Variants in NOTCH2NLB observed in about 807,000 individuals in gnomAD.
The protein encoded by NOTCH2NLB is notch homolog 2 N-terminal-like protein B.
Under a neutral mutation model 14.8 loss-of-function variants are expected in NOTCH2NLB, and 1 was observed. The observed-to-expected ratio is 0.07, with a 90% CI of 0.02 to 0.32. The LOEUF (loss-of-function observed/expected upper bound fraction) is 0.32, where lower values mean the gene tolerates loss of function less well. NOTCH2NLB is among the 10% of genes least tolerant of loss of function. NOTCH2NLB has a pLI of 1.00. For missense variants in NOTCH2NLB, 11 were observed against 155.0 expected, an observed-to-expected ratio of 0.07 and a Z score of 4.93; for synonymous variants, 6 against 57.5, an observed-to-expected ratio of 0.10 and a Z score of 4.05.
In NOTCH2NLB at chr1:148,625,632, C is replaced by G. The variant is rs1280237120; in HGVS notation, c.78-9682G>C. Among the ~76,000 whole-genome samples the G allele has an allele frequency of 5.0e-5, 6 of 120,204 alleles. 1 individual carries two copies. Among genetic ancestry groups the G allele is most frequent in the Non-Finnish European group, 1.0e-4 (6 of 59,878 alleles). 78.9% of individuals were successfully genotyped at this position (120,204 alleles called of 152,430 possible). On this transcript the variant is annotated intron_variant, in intron 2 of 4. Transcript: ENST00000593495. ...CTTTAAACAGAACTTTGCTTTCAAC[C>G]CACTTTCTTCTTGCACTGGGCCTCT...
chr1:148,679,896 C>G, upstream of NOTCH2NLB: 1 of 149,704 alleles, frequency 6.7e-6, no homozygotes, highest in Non-Finnish European at 1.2e-5. Context: ...AAGCGCCGGC[C>G]CGAGCTCCGC....
chr1:148,693,093 C>A, the NOTCH2NLB span, among the ~76,000 whole-genome samples: 1 of 116,458 alleles, frequency 8.6e-6, no homozygotes, highest in Non-Finnish European at 1.8e-5. Flanking sequence ...GAGCCGCCCC[C>A]CCCCCCCCAC....
At chr1:148,675,838 AAAG>A (rs1375405311) in intron 1 of NOTCH2NLB, among the ~76,000 whole-genome samples, 1 of 37,248 alleles carries the variant, frequency 2.7e-5, no homozygotes, top group Non-Finnish European at 6.6e-5. Context: ...CAAAGAAAGA[AAAG>A]AAGACCTTTT....
chr1:148,623,190 GC>G (rs1663926560), intron 2 of NOTCH2NLB, among the ~76,000 whole-genome samples: 2 of 108,764 alleles, frequency 1.8e-5, no homozygotes, highest in African/African-American at 6.9e-5. Context: ...AAATGGACCA[GC>G]ATCCTATCCA....
At chr1:148,645,570 G>A (rs1415780208) in intron 1 of NOTCH2NLB, among the ~76,000 whole-genome samples, 2 of 148,276 alleles carry the variant, frequency 1.3e-5, no homozygotes, top group African/African-American at 5.0e-5. Context: ...TGCATTCTCT[G>A]CCCAGTTTAT....
downstream of NOTCH2NLB, among the ~76,000 whole-genome samples, chr1:148,604,988 C>T (rs1663465093): frequency 2.9e-5 from 4 of 136,824 alleles, no homozygotes; most frequent in African/African-American, 8.8e-5. Flanking sequence ...CACACACACA[C>T]ACATTGATAT....
chr1:148,694,460 T>TTTG, the NOTCH2NLB span, among the ~76,000 whole-genome samples: 133 of 85,804 alleles, frequency 1.6e-3, 8 homozygotes, highest in African/African-American at 3.5e-3. Context: ...TGTTGTGGGT[T>TTTG]TTGTTGTTGT....
chr1:148,679,779 C>T, exon 1 of NOTCH2NLB: 1 of 570,854 alleles, frequency 1.8e-6, no homozygotes, highest in Non-Finnish European at 2.4e-6. Flanking sequence ...GAAGCAGCCT[C>T]GTGTGTCCTT....
the NOTCH2NLB span, among the ~76,000 whole-genome samples, chr1:148,697,797 T>C: frequency 1.5e-4 from 15 of 102,934 alleles, no homozygotes; most frequent in African/African-American, 3.7e-4. Flanking sequence ...CTATATACCA[T>C]GTAACATGCT....
intron 1 of NOTCH2NLB, among the ~76,000 whole-genome samples, chr1:148,670,608 G>A (rs1664759272): frequency 9.4e-6 from 1 of 106,688 alleles, no homozygotes; most frequent in African/African-American, 3.3e-5. Flanking sequence ...TAAATCTAAG[G>A]GTAAAAAAAC....
intron 1 of NOTCH2NLB, among the ~76,000 whole-genome samples, chr1:148,648,434 C>A (rs1170218638): frequency 1.6e-4 from 14 of 87,908 alleles, no homozygotes; most frequent in East Asian, 8.7e-4. Context: ...AAATATTTTA[C>A]CTCCTTTTCC....
At chr1:148,604,983 ACACACACATT>A (rs1246301836), downstream of NOTCH2NLB, among the ~76,000 whole-genome samples, 196 of 146,148 alleles carry the variant, frequency 1.3e-3, 13 homozygotes, top group African/African-American at 4.7e-3. Flanking sequence ...ACACACACAC[ACACACACATT>A]GATATGTAAC....
chr1:148,637,067 CT>C (rs1244676926), intron 2 of NOTCH2NLB, among the ~76,000 whole-genome samples: 41,926 of 79,018 alleles, frequency 0.53, 10,216 homozygotes, highest in East Asian at 0.87. Context: ...GCTCCATTTT[CT>C]TTTTTTTTTT....
intron 1 of NOTCH2NLB, among the ~76,000 whole-genome samples, chr1:148,670,577 T>TATATATAA (rs1664756918): frequency 1.5e-5 from 2 of 133,896 alleles, no homozygotes; most frequent in Non-Finnish European, 3.3e-5. Flanking sequence ...TATATATATA[T>TATATATAA]AAATAAATCA....
chr1:148,637,061 C>A (rs1471602044), intron 2 of NOTCH2NLB, among the ~76,000 whole-genome samples: 3 of 93,936 alleles, frequency 3.2e-5, no homozygotes, highest in African/African-American at 1.7e-4. Context: ...TAGGCAGCTC[C>A]ATTTTCTTTT....
intron 1 of NOTCH2NLB, among the ~76,000 whole-genome samples, chr1:148,651,142 GAGAAA>G (rs1266664647): frequency 5.9e-5 from 2 of 34,058 alleles, no homozygotes; most frequent in African/African-American, 1.3e-4. Context: ...GACTCTGCCT[GAGAAA>G]AAAAAAAAAA....
intron 1 of NOTCH2NLB, among the ~76,000 whole-genome samples, chr1:148,670,539 A>AAAAAAATAT (rs1445301786): frequency 1.1e-5 from 1 of 93,480 alleles, no homozygotes; most frequent in African/African-American, 4.3e-5. Context: ...TAAAAAAAAA[A>AAAAAAATAT]ATATATATAT....
intron 1 of NOTCH2NLB, among the ~76,000 whole-genome samples, chr1:148,654,822 C>A (rs1664519954): frequency 1.2e-5 from 1 of 80,032 alleles, no homozygotes; most frequent in Non-Finnish European, 2.7e-5. Flanking sequence ...TATCAAAATT[C>A]AGGGTATTTG....
the NOTCH2NLB span, among the ~76,000 whole-genome samples, chr1:148,688,098 C>CA: frequency 0.017 from 682 of 39,090 alleles, 13 homozygotes; most frequent in African/African-American, 0.068. Context: ...ACAACAACAA[C>CA]AAAAAAAAAA....
Sources: allele counts gnomAD v4.1 joint callset (sites outside exome capture counted in the v4.1 genomes callset), GRCh38; gene constraint gnomAD v4.1.1; transcripts MANE v1.5; gene names NCBI Gene and HGNC (gene_info 2026-07-23, HGNC 2026-07-21).